Variants in IRAG2 observed in about 807,000 individuals in gnomAD.
The protein encoded by IRAG2 is inositol 1,4,5-triphosphate receptor associated 2.
A neutral mutation model predicts 69.9 loss-of-function variants in IRAG2; 45 were observed. The ratio of observed to expected loss-of-function variants is 0.64; its 90% CI spans 0.51 to 0.83. The LOEUF (loss-of-function observed/expected upper bound fraction) is 0.83, where lower values mean the gene tolerates loss of function less well. IRAG2 is among the 40% of genes least tolerant of loss of function. The probability of loss-of-function intolerance (pLI) is 0.00; values close to 1 mark genes in which losing one functional copy is unlikely to be tolerated. For missense variants in IRAG2, 520 were observed against 587.0 expected (o/e 0.89, Z 1.18); for synonymous variants, 193 against 202.4 (o/e 0.95, Z 0.40).
At chr12:25,005,866 G>A (rs1018920058) in intron 2 of IRAG2, among the ~76,000 whole-genome samples, 2 of 152,022 alleles carry the variant, frequency 1.3e-5, no homozygotes, top group Non-Finnish European at 2.9e-5. Context: ...AAAAGCAATT[G>A]CAACAAAACA....
In IRAG2 at chr12:25,070,856, T is replaced by G. The variant is rs112219100; in HGVS notation, c.24+1425T>G. ...GGGTGCAAAGTGATACCTCACTGTA[T>G]TTTTGATTTGCATTTCTCTCATGAT... On this transcript the variant is annotated intron_variant, in intron 6 of 21. Coordinates refer to ENST00000556887, the MANE Select transcript of IRAG2 (RefSeq NM_001366544.2). Among the ~76,000 whole-genome samples, 145 of 152,350 alleles carry G rather than the reference T, an allele frequency of 9.5e-4. 2 individuals carry two copies. Among genetic ancestry groups the G allele is most frequent in the African/African-American group, 3.3e-3 (138 of 41,590 alleles).
At chr12:25,047,784 C>T (rs1349414013), upstream of IRAG2, among the ~76,000 whole-genome samples, 6 of 152,168 alleles carry the variant, frequency 3.9e-5, no homozygotes, top group South Asian at 4.1e-4. Context: ...CTGCAAAGGA[C>T]GTGACCTTGT....
At chr12:25,023,815 G>A in intron 7 of IRAG2, 1 of 901,896 alleles carries the variant, frequency 1.1e-6, no homozygotes, top group Non-Finnish European at 1.5e-6. Flanking sequence ...GTAAATATGT[G>A]GTATTTTCAT....
chr12:25,013,936 G>A (rs1260887610), intron 3 of IRAG2, among the ~76,000 whole-genome samples: 5 of 130,224 alleles, frequency 3.8e-5, no homozygotes, highest in South Asian at 2.6e-4. Flanking sequence ...GTGCAGTGGC[G>A]CAATCTCGGC....
intron 10 of IRAG2, among the ~76,000 whole-genome samples, chr12:25,087,377 A>G (rs865176): frequency 0.16 from 24,339 of 151,762 alleles, 2,075 homozygotes; most frequent in South Asian, 0.18. Context: ...CATGTTGGCC[A>G]GGCTGGTCTT....
At chr12:25,020,790 T>G in exon 7 of IRAG2, 1 of 1,223,180 alleles carries the variant, frequency 8.2e-7, no homozygotes, top group Non-Finnish European at 1.0e-6. Flanking sequence ...ACCCCCACAG[T>G]GCCCACCAGG....
chr12:25,044,813 T>C (rs1266060143), intron 16 of IRAG2, among the ~76,000 whole-genome samples: 2 of 151,912 alleles, frequency 1.3e-5, no homozygotes, highest in Non-Finnish European at 2.9e-5. Flanking sequence ...AGCAATAAAA[T>C]AATAAAAGAC....
At chr12:25,082,331 G>A (rs987339625) in intron 9 of IRAG2, among the ~76,000 whole-genome samples, 3 of 152,062 alleles carry the variant, frequency 2.0e-5, no homozygotes, top group Non-Finnish European at 2.9e-5. Flanking sequence ...TAGGCACGGT[G>A]CACATGCCTA....
intron 21 of IRAG2, 100 bp downstream of exon 21, chr12:25,107,150 C>T (rs1177570368): frequency 1.6e-5 from 8 of 513,226 alleles, no homozygotes; most frequent in Middle Eastern, 6.7e-4. Flanking sequence ...AAAAGACATG[C>T]CAAATTGTTG....
intron 10 of IRAG2, among the ~76,000 whole-genome samples, chr12:25,084,404 G>A (rs1947432787): frequency 2.0e-5 from 3 of 150,754 alleles, no homozygotes; most frequent in Admixed American, 2.0e-4. Flanking sequence ...AGAAAAAAAA[G>A]AGAGAGAGAG....
chr12:25,057,769 C>T (rs1945360726), intron 1 of IRAG2, among the ~76,000 whole-genome samples: 1 of 152,134 alleles, frequency 6.6e-6, no homozygotes, highest in African/African-American at 2.4e-5. Context: ...TGCAACTTCC[C>T]AGTCAATGCC....
intron 4 of IRAG2, among the ~76,000 whole-genome samples, chr12:25,065,353 G>T (rs1453689229): frequency 6.6e-6 from 1 of 152,174 alleles, no homozygotes; most frequent in Non-Finnish European, 1.5e-5. Flanking sequence ...ATGTGGCAGA[G>T]CCAGGATCTG....
At chr12:25,106,655 TAC>T (rs1417540043) in intron 20 of IRAG2, among the ~76,000 whole-genome samples, 1 of 142,924 alleles carries the variant, frequency 7.0e-6, no homozygotes, top group Non-Finnish European at 1.6e-5. Context: ...TTTTTGTATA[TAC>T]TTGGCTAATA....
intron 14 of IRAG2, among the ~76,000 whole-genome samples, chr12:25,090,595 AAC>A: frequency 6.6e-6 from 1 of 152,260 alleles, no homozygotes; most frequent in South Asian, 2.1e-4. Context: ...TATTTTCAAT[AAC>A]ACTTTCATAA....
intron 8 of IRAG2, among the ~76,000 whole-genome samples, chr12:25,024,215 G>A (rs1316450517): frequency 6.6e-6 from 1 of 152,196 alleles, no homozygotes; most frequent in Admixed American, 6.5e-5. Flanking sequence ...AAGTATGGAT[G>A]TTATCTAATC....
intron 16 of IRAG2, chr12:25,101,828 A>G (rs2140241857): frequency 2.2e-6 from 1 of 455,756 alleles, no homozygotes; most frequent in East Asian, 6.0e-5. Context: ...AAAATAAACA[A>G]TATGAACTTT....
intron 9 of IRAG2, among the ~76,000 whole-genome samples, chr12:25,082,327 C>T (rs568168734): frequency 5.9e-5 from 9 of 152,132 alleles, no homozygotes; most frequent in East Asian, 5.8e-4. Flanking sequence ...GGGCTAGGCA[C>T]GGTGCACATG....
chr12:25,036,885 A>AT (rs1206731095), intron 15 of IRAG2, among the ~76,000 whole-genome samples: 1 of 152,136 alleles, frequency 6.6e-6, no homozygotes, highest in African/African-American at 2.4e-5. Flanking sequence ...GAGTGTGCAG[A>AT]TATGTGAGAT....
At chr12:25,055,263 A>G (rs1013678780) in intron 1 of IRAG2, among the ~76,000 whole-genome samples, 10 of 152,220 alleles carry the variant, frequency 6.6e-5, no homozygotes, top group Admixed American at 2.0e-4. Context: ...CAAGTTTTCA[A>G]TTGCCTTCAG....
Sources: gnomAD v4.1 joint callset for allele counts (sites outside exome capture counted in the v4.1 genomes callset) on GRCh38, gnomAD v4.1.1 for gene constraint, MANE v1.5 for transcripts, NCBI Gene and HGNC (gene_info 2026-07-23, HGNC 2026-07-21) for gene names.